The following RNFT1 variants were observed in gnomAD, a reference collection of about 807,000 sequenced individuals.
RNFT1 encodes the protein ring finger protein, transmembrane 1, also known as E3 ubiquitin-protein ligase RNFT1.
A neutral mutation model predicts 53.2 loss-of-function variants in RNFT1; 35 were observed. That is an observed-to-expected ratio of 0.66 (90% CI 0.50 to 0.87). RNFT1 has a LOEUF of 0.87. Ranked by LOEUF, RNFT1 falls within the 40% of genes least tolerant of loss-of-function variation. The pLI is 0.00. For missense variants in RNFT1, 421 were observed against 515.0 expected, an observed-to-expected ratio of 0.82 and a Z score of 1.77; for synonymous variants, 141 against 172.8, an observed-to-expected ratio of 0.82 and a Z score of 1.44.
chr17:59,954,377 T>G (rs1202942979), intron 7 of RNFT1, among the ~76,000 whole-genome samples: 3 of 152,236 alleles, frequency 2.0e-5, no homozygotes, highest in African/African-American at 7.2e-5. Context: ...TTAGATCTAC[T>G]AGCTTTACAA....
chr17:59,964,729 G>A lies in RNFT1; in HGVS notation c.-66C>T, dbSNP rs1341710925. On this transcript the variant is annotated 5_prime_UTR_variant, in exon 1 of 9. Coordinates refer to ENST00000305783, the MANE Select transcript of RNFT1 (RefSeq NM_016125.4). ...ACCCCGCAAGCTCTTCTCTCAGCCC[G>A]GCGGCAACGGCGGCGGCGCGCGCGC... 3.4e-6 allele frequency: 5 copies of A among 1,468,466 alleles called. No homozygotes were observed. Among genetic ancestry groups the A allele is most frequent in the East Asian group, 2.8e-5 (1 of 36,050 alleles). The allele number at this position is 1,468,466 out of a possible 1,614,324, so 91.0% of individuals were successfully genotyped here. A position where few individuals can be genotyped will look rare whatever the true frequency, so the allele number is the denominator to read the frequency against.
rs1387321359 is a variant in RNFT1, at chr17:59,952,798, T to A, written c.*179A>T. ...TATACATTAGGTTGAACATTATATA[T>A]ATTTTAAAACACAGGGTGGTTTCAT... is the stretch of plus-strand genomic sequence containing the variant. On this transcript the variant is annotated 3_prime_UTR_variant, in exon 9 of 9. Coordinates refer to ENST00000305783, the MANE Select transcript of RNFT1 (RefSeq NM_016125.4). 3.9e-6 allele frequency: 2 copies of A among 518,630 alleles called. No individual in the cohort carries two copies. Among genetic ancestry groups the A allele is most frequent in the Non-Finnish European group, 6.7e-6 (2 of 296,974 alleles). 32.1% of individuals were successfully genotyped at this position (518,630 alleles called of 1,614,324 possible). A position where few individuals can be genotyped will look rare whatever the true frequency, so the allele number is the denominator to read the frequency against.
chr17:59,962,687 C>T (rs536104946), intron 2 of RNFT1, 71 bp from the exon 3 acceptor site: 18 of 1,369,294 alleles, frequency 1.3e-5, no homozygotes, highest in Middle Eastern at 2.6e-4. Flanking sequence ...CTAACAATGA[C>T]ACAAATTAAA....
rs2045278803 is a variant in RNFT1, at chr17:59,960,095, G to C, written c.665C>G (p.Thr222Ser). The change falls in exon 4 of 9, where the codon ACC (threonine) becomes AGC (serine). Residue 222 changes from threonine (T) to serine (S), a missense_variant. By Grantham distance (58) the Thr-to-Ser change is moderately conservative (BLOSUM62 1). Coordinates refer to ENST00000305783, the MANE Select transcript of RNFT1 (RefSeq NM_016125.4). The stretch of plus-strand genomic sequence containing the variant: ...GTAATAAAGTGACTGAGAATGAAAG[G>C]TGTAATATAAAAGAACAGAAGATCC... The part of the protein sequence containing the change: ...LAGSSVLLYY[T>S]FHSQSLYYSL... The C allele has an allele frequency of 1.2e-6, 2 of 1,607,944 alleles. No individual in the cohort carries two copies. The highest frequency in any genetic ancestry group is 2.2e-5 in the East Asian group (1 of 44,680).
At chr17:59,962,316 AC>A (rs2045299583) in intron 3 of RNFT1, 1 of 447,850 alleles carries the variant, frequency 2.2e-6, no homozygotes, top group East Asian at 3.7e-5. Flanking sequence ...TTTAACAGTA[AC>A]CAATTTTTTT....
intron 6 of RNFT1, among the ~76,000 whole-genome samples, 162 bp from the exon 7 acceptor site, chr17:59,956,715 A>G (rs2045256453): frequency 6.6e-6 from 1 of 152,234 alleles, no homozygotes. Flanking sequence ...TTCAATTTAT[A>G]GATTTGAGCC....
At position 59,964,652 on chromosome 17, in the gene RNFT1, G is replaced by T. The variant is rs762600936; in HGVS notation, c.12C>A (p.Phe4Leu). MPL[F>L]LLSLPTPPSA... ...ACGGAGGTGTCGGGAGCGACAGCAA[G>T]AACAGCGGCATACACCGCCTCCAGC... Residue 4 changes from phenylalanine (F) to leucine (L), a missense_variant, in exon 1 of 9, where the codon TTC (phenylalanine) becomes TTA (leucine). Phe to Leu is a conservative substitution (Grantham distance 22). Coordinates refer to ENST00000305783, the MANE Select transcript of RNFT1 (RefSeq NM_016125.4). 2 of 1,608,446 alleles carry T rather than the reference G, an allele frequency of 1.2e-6. No individual in the cohort carries two copies. Among genetic ancestry groups the T allele is most frequent in the African/African-American group, 1.3e-5 (1 of 74,886 alleles).
Position 59,958,400 on chromosome 17 carries a change from T to G in RNFT1, c.737A>C (p.Glu246Ala). ...TGTAATTCCAACAATCCAAAATACT[T>G]CCCAGAAGCTCAAATGGTCCAAAGT... The part of the protein sequence containing the change: ...NPTLDHLSFW[E>A]VFWIVGITDF... Residue 246 changes from glutamate (E) to alanine (A), a missense_variant, in exon 5 of 9, where the codon GAA becomes GCA. Glu to Ala is a moderately radical substitution (Grantham distance 107). Transcript: ENST00000305783. 1 of 1,597,800 alleles carries G rather than the reference T, an allele frequency of 6.3e-7. No individual in the cohort carries two copies.
intron 3 of RNFT1, among the ~76,000 whole-genome samples, chr17:59,961,033 CTT>C (rs527562328): frequency 4.2e-5 from 6 of 143,242 alleles, no homozygotes; most frequent in Non-Finnish European, 6.1e-5. Flanking sequence ...TGTAATCTCC[CTT>C]TTTTTTTTTT....
chr17:59,956,500 A>C lies in RNFT1; in HGVS notation c.1059T>G (p.Phe353Leu), dbSNP rs747068367. The stretch of plus-strand genomic sequence containing the variant: ...AAAAAGTACTTACTGGTTGTGTAAA[A>C]AATATTCGTAAAACCTGTCTGAAAG... ...LRTFRQVLRI[F>L]FTQPSYGVAA... The change falls in exon 7 of 9, where the codon TTT (phenylalanine) becomes TTG (leucine). Residue 353 changes from phenylalanine to leucine, a missense_variant. Coordinates refer to ENST00000305783, the MANE Select transcript of RNFT1 (RefSeq NM_016125.4). 1 of 1,612,002 alleles carries C rather than the reference A, an allele frequency of 6.2e-7. No homozygotes were observed. Among genetic ancestry groups the C allele is most frequent in the Non-Finnish European group, 8.5e-7 (1 of 1,178,942 alleles).
chr17:59,962,746 G>T, intron 2 of RNFT1, 81 bp downstream of exon 2: 1 of 1,334,698 alleles, frequency 7.5e-7, no homozygotes, highest in Non-Finnish European at 1.0e-6. Context: ...GTAACTGGAT[G>T]CATTAAGTAG....
In RNFT1 at chr17:59,956,279, G is replaced by A. The variant is rs151231823; in HGVS notation, c.1071+209C>T. On this transcript the variant is annotated intron_variant, in intron 7 of 8. Coordinates refer to ENST00000305783, the MANE Select transcript of RNFT1 (RefSeq NM_016125.4). ...TAAGCACTGCAACAATTAGCAGGTGGTTGTCAATGTGTGATTCAAGAATCT... is the reference window on the plus strand; with the variant it reads ...TAAGCACTGCAACAATTAGCAGGTGATTGTCAATGTGTGATTCAAGAATCT... 5.9e-4 allele frequency among the ~76,000 whole-genome samples: 90 copies of A among 152,278 alleles called. 1 individual carries two copies. The East Asian group carries it at 0.013, about 22-fold the overall frequency.
chr17:59,958,179 G>T, intron 5 of RNFT1, 112 bp downstream of exon 5: 1 of 1,036,726 alleles, frequency 9.6e-7, no homozygotes, highest in Non-Finnish European at 1.4e-6. Flanking sequence ...AGATAATTAA[G>T]CTAGTTAGCA....
At chr17:59,964,250 C>G (rs2045317978) in intron 1 of RNFT1, among the ~76,000 whole-genome samples, 1 of 152,162 alleles carries the variant, frequency 6.6e-6, no homozygotes. Flanking sequence ...ATTTCACTCC[C>G]AGGACTGAAC....
At position 59,962,858 on chromosome 17, in the gene RNFT1, C is replaced by A; in HGVS notation, c.483G>T (p.Leu161=). The change falls in exon 2 of 9, where the codon CTG becomes CTT. Residue 161 remains leucine (L), a synonymous_variant. Transcript: ENST00000305783. ...TATGCTGCATAACAAGTTTGACGCT[C>A]AGAATCAAAATATATGGAAGACTTT... ...LQKSLPYILI[L]SVKLVMQHIT... The A allele has an allele frequency of 6.2e-7, 1 of 1,612,422 alleles. No homozygotes were observed. The highest frequency in any genetic ancestry group is 1.1e-5 in the South Asian group (1 of 91,048).
chr17:59,958,890 T>C (rs2045270280), intron 4 of RNFT1, among the ~76,000 whole-genome samples: 3 of 152,218 alleles, frequency 2.0e-5, no homozygotes, highest in East Asian at 1.9e-4. Context: ...TTCTAGACTT[T>C]TAACACAACA....
At chr17:59,957,454 G>T in intron 5 of RNFT1, 72 bp from the exon 6 acceptor site, 1 of 1,006,232 alleles carries the variant, frequency 9.9e-7, no homozygotes, top group Non-Finnish European at 1.5e-6. Context: ...ATATTAGACT[G>T]AGAACACTGA....
At chr17:59,958,042 T>C (rs2045265040) in intron 5 of RNFT1, among the ~76,000 whole-genome samples, 1 of 152,180 alleles carries the variant, frequency 6.6e-6, no homozygotes, top group African/African-American at 2.4e-5. Context: ...TCTAAATAGT[T>C]TCCCACATAT....
intron 6 of RNFT1, 99 bp from the exon 7 acceptor site, chr17:59,956,652 T>A (rs2045256190): frequency 1.3e-6 from 1 of 784,112 alleles, no homozygotes; most frequent in Non-Finnish European, 2.2e-6. Context: ...ATCCTCATAT[T>A]AACTTAATGT....
Sources: allele counts gnomAD v4.1 joint callset (sites outside exome capture counted in the v4.1 genomes callset), GRCh38; gene constraint gnomAD v4.1.1; transcripts MANE v1.5; gene names NCBI Gene and HGNC (gene_info 2026-07-23, HGNC 2026-07-21).